ANXA11: variants seen among roughly 807,000 people sequenced by gnomAD.
ANXA11 encodes annexin A11, also known as 56 kDa autoantigen.
ANXA11 carries 57 observed loss-of-function variants against 64.7 expected under a neutral mutation model. That is an observed-to-expected ratio of 0.88 (90% CI 0.71 to 1.10). The LOEUF is 1.10. Among genes scored for constraint, ANXA11 ranks in the 50% least tolerant of loss-of-function variants. The probability of loss-of-function intolerance (pLI) is 0.00; values close to 1 mark genes in which losing one functional copy is unlikely to be tolerated. For synonymous variants in ANXA11, 260 were observed against 265.2 expected, an observed-to-expected ratio of 0.98 and a Z score of 0.19; for missense variants, 675 against 670.7, an observed-to-expected ratio of 1.01 and a Z score of -0.07.
intron 8 of ANXA11, 61 bp from the exon 9 acceptor site, chr10:80,164,204 G>A: frequency 2.1e-6 from 3 of 1,400,608 alleles, no homozygotes; most frequent in South Asian, 2.3e-5. Context: ...CCAGCACTCG[G>A]GAAGAAGGGT....
chr10:80,169,312 A>C lies in ANXA11; in HGVS notation c.218T>G (p.Leu73Arg), dbSNP rs1845882846. Reference sequence around the variant, plus strand: ...GCCAGCCCCAGGGGCCCCAGGGTACAGGTTGGGCATGTTGGCTCCTCCAAA... The same window carrying C: ...GCCAGCCCCAGGGGCCCCAGGGTACCGGTTGGGCATGTTGGCTCCTCCAAA... Reference protein sequence around the residue: ...GTFGGANMPNLYPGAPGAGYP... With the variant: ...GTFGGANMPNRYPGAPGAGYP... The change falls in exon 5 of 16, where the codon CTG becomes CGG. Residue 73 changes from leucine (L) to arginine (R), a missense_variant. By Grantham distance (102) the Leu-to-Arg change is moderately radical. Transcript: ENST00000422982. 1 of 1,610,752 alleles carries C rather than the reference A, an allele frequency of 6.2e-7. No homozygotes were observed. Among genetic ancestry groups the C allele is most frequent in the South Asian group, 1.1e-5 (1 of 91,032 alleles).
chr10:80,191,751 A>G (rs1846786714), intron 1 of ANXA11, among the ~76,000 whole-genome samples: 1 of 152,202 alleles, frequency 6.6e-6, no homozygotes, highest in Non-Finnish European at 1.5e-5. Flanking sequence ...CAGGCTACGC[A>G]TGCCCAGTCA....
At chr10:80,155,947 G>A in intron 15 of ANXA11, 35 bp from the exon 16 acceptor site, 3 of 1,601,842 alleles carry the variant, frequency 1.9e-6, no homozygotes, top group South Asian at 2.2e-5. Context: ...TCCGTTAAGG[G>A]AGGGACAGTC....
chr10:80,174,684 G>A (rs2132432940), intron 2 of ANXA11, among the ~76,000 whole-genome samples: 1 of 152,156 alleles, frequency 6.6e-6, no homozygotes, highest in African/African-American at 2.4e-5. Flanking sequence ...GGATTCTTGT[G>A]CCTCAGCCTC....
At chr10:80,184,678 T>C (rs1846477079) in intron 1 of ANXA11, among the ~76,000 whole-genome samples, 1 of 152,218 alleles carries the variant, frequency 6.6e-6, no homozygotes, top group Admixed American at 6.5e-5. Flanking sequence ...ACTCAGGTGC[T>C]GATTCACCTT....
chr10:80,190,033 G>A (rs1446514254), intron 1 of ANXA11, among the ~76,000 whole-genome samples: 2 of 152,232 alleles, frequency 1.3e-5, no homozygotes, highest in Non-Finnish European at 2.9e-5. Context: ...AAATACTTCT[G>A]ATTCCACCTA....
chr10:80,178,925 G>A (rs1262649190), intron 1 of ANXA11, among the ~76,000 whole-genome samples: 1 of 151,802 alleles, frequency 6.6e-6, no homozygotes, highest in African/African-American at 2.4e-5. Context: ...TGATGTAACT[G>A]GTTCTGTGGT....
At chr10:80,177,420 A>G (rs949173152) in intron 1 of ANXA11, among the ~76,000 whole-genome samples, 3 of 152,078 alleles carry the variant, frequency 2.0e-5, no homozygotes, top group African/African-American at 7.2e-5. Context: ...CAGGCCACGG[A>G]GACCTTATGT....
At chr10:80,176,271 CTG>C (rs1295364610) in intron 1 of ANXA11, 116 bp from the exon 2 acceptor site, 2 of 152,210 alleles carry the variant, frequency 1.3e-5, no homozygotes, top group African/African-American at 4.8e-5. Flanking sequence ...AATGGATACT[CTG>C]TAGCTATTTC....
Position 80,189,775 on chromosome 10 carries a change from A to C in ANXA11, c.-57-13620T>G, listed in dbSNP as rs79213011. Among the ~76,000 whole-genome samples the C allele has an allele frequency of 7.1e-3, 1,080 of 152,312 alleles. 14 individuals carry two copies. The highest frequency in any genetic ancestry group is 0.025 in the African/African-American group (1,036 of 41,564). On this transcript the variant is annotated intron_variant, in intron 1 of 15. Coordinates refer to ENST00000422982, the MANE Select transcript of ANXA11 (RefSeq NM_145868.2). ...TTGGGATACTCAACCTATATACCTA[A>C]AGGAAATGAAAGCAGGGACTCCAAC...
chr10:80,170,973 G>A (rs760050595), intron 3 of ANXA11, 58 bp from the exon 4 acceptor site: 5 of 1,541,684 alleles, frequency 3.2e-6, no homozygotes, highest in Non-Finnish European at 4.4e-6. Context: ...ACGGGGAAAG[G>A]CAGAGATGAG....
At chr10:80,186,595 G>A (rs1846549260) in intron 1 of ANXA11, among the ~76,000 whole-genome samples, 1 of 152,148 alleles carries the variant, frequency 6.6e-6, no homozygotes, top group East Asian at 1.9e-4. Flanking sequence ...CCTGGGAGAG[G>A]GACCCGCAGA....
intron 1 of ANXA11, among the ~76,000 whole-genome samples, chr10:80,195,215 T>C (rs1219807321): frequency 6.6e-6 from 1 of 152,172 alleles, no homozygotes; most frequent in Non-Finnish European, 1.5e-5. Context: ...CAGCTCCAAA[T>C]GGCTGAGCAC....
At chr10:80,166,038 GCGCGCACACACACA>G (rs748618175) in intron 8 of ANXA11, 32 bp downstream of exon 8, 8 of 557,456 alleles carry the variant, frequency 1.4e-5, no homozygotes, top group African/African-American at 7.7e-5. Flanking sequence ...GCGCACACAC[GCGCGCACACACACA>G]CACACACACA....
chr10:80,177,462 G>C (rs1166251010), intron 1 of ANXA11, among the ~76,000 whole-genome samples: 1 of 152,138 alleles, frequency 6.6e-6, no homozygotes. Flanking sequence ...CCTGGGTTCT[G>C]CCCATTGCTC....
chr10:80,162,020 A>T lies in ANXA11; in HGVS notation c.1095T>A (p.Tyr365Ter). The change falls in exon 12 of 16, where the codon TAT becomes TAA. Residue 365 changes from tyrosine to a stop codon, truncating the protein, a stop_gained. Transcript: ENST00000422982. LOFTEE classifies it high-confidence loss of function. ...SLAQRDAQEL[Y>*]AAGENRLGTD... ...TTCCCAGGCGGTTCTCCCCGGCCGCATACAGCTCCTGGAGAGAGAGGAAGA... is the reference window on the plus strand; with the variant it reads ...TTCCCAGGCGGTTCTCCCCGGCCGCTTACAGCTCCTGGAGAGAGAGGAAGA... The T allele has an allele frequency of 1.2e-6, 2 of 1,610,976 alleles. No individual in the cohort carries two copies. The highest frequency in any genetic ancestry group is 1.7e-6 in the Non-Finnish European group (2 of 1,179,610).
At chr10:80,186,594 G>C (rs758086157) in intron 1 of ANXA11, among the ~76,000 whole-genome samples, 7 of 152,200 alleles carry the variant, frequency 4.6e-5, no homozygotes, top group Non-Finnish European at 8.8e-5. Context: ...GCCTGGGAGA[G>C]GGACCCGCAG....
chr10:80,165,513 T>C (rs1383874176), intron 8 of ANXA11, among the ~76,000 whole-genome samples: 3 of 152,070 alleles, frequency 2.0e-5, no homozygotes, highest in African/African-American at 4.8e-5. Flanking sequence ...GTCTCATAGT[T>C]ATGCGGAGAG....
At position 80,169,243 on chromosome 10, in the gene ANXA11, G is replaced by A; in HGVS notation, c.287C>T (p.Ala96Val). The A allele has an allele frequency of 6.2e-7, 1 of 1,611,942 alleles. No homozygotes were observed. The highest frequency in any genetic ancestry group is 8.5e-7 in the Non-Finnish European group (1 of 1,179,588). Residue 96 changes from alanine (A) to valine (V), a missense_variant, in exon 5 of 16, where the codon GCC becomes GTC. Coordinates refer to ENST00000422982, the MANE Select transcript of ANXA11 (RefSeq NM_145868.2). ...PPGGFGQPPS[A>V]QQPVPPYGMY... is the part of the protein sequence containing the mutation. ...CCCATAGGGAGGAACAGGCTGCTGG[G>A]CAGAGGGGGGCTGCCCAAAGCCGCC...
Sources: gnomAD v4.1 joint callset for allele counts (sites outside exome capture counted in the v4.1 genomes callset) on GRCh38, gnomAD v4.1.1 for gene constraint, MANE v1.5 for transcripts, NCBI Gene and HGNC (gene_info 2026-07-23, HGNC 2026-07-21) for gene names.